The following HGFAC variants were observed in gnomAD, a reference collection of about 807,000 sequenced individuals.
HGFAC encodes the protein HGF activator.
HGFAC carries 76 observed loss-of-function variants against 70.6 expected under a neutral mutation model. That is an observed-to-expected ratio of 1.08 (90% confidence interval 0.89 to 1.30). The LOEUF is 1.30. Ranked by LOEUF, HGFAC falls within the 50% of genes most tolerant of loss-of-function variation. The pLI, the probability that HGFAC is intolerant of heterozygous loss-of-function variation, is 0.00. For synonymous variants in HGFAC, 464 were observed against 405.3 expected, an observed-to-expected ratio of 1.14 and a Z score of -1.74; for missense variants, 1,044 against 933.7, an observed-to-expected ratio of 1.12 and a Z score of -1.54.
intron 9 of HGFAC, 191 bp downstream of exon 9, chr4:3,445,541 C>T (rs538878510): frequency 2.9e-4 from 182 of 617,342 alleles, no homozygotes; most frequent in African/African-American, 2.2e-3. Flanking sequence ...GGAAGCAGCC[C>T]GCTGCAGGGG....
chr4:3,448,934 G>A (rs956335140), intron 13 of HGFAC, among the ~76,000 whole-genome samples: 11 of 152,152 alleles, frequency 7.2e-5, no homozygotes, highest in African/African-American at 2.7e-4. Context: ...GTTTTCCAGG[G>A]AGTGAAGAAG....
At position 3,446,599 on chromosome 4, in the gene HGFAC, G is replaced by A. The variant is rs973824406; in HGVS notation, c.1355+305G>A. 2.1e-4 allele frequency among the ~76,000 whole-genome samples: 32 copies of A among 152,074 alleles called. 1 individual carries two copies. The highest frequency in any genetic ancestry group is 7.0e-4 in the African/African-American group (29 of 41,428). ...AGGTCCTGTCCTCCCCGCAGGCCCC[G>A]CCCCTCCCAGAGTCCTGGCTCTCAG... is the stretch of plus-strand genomic sequence containing the variant. On this transcript the variant is annotated intron_variant, in intron 10 of 13. Coordinates refer to ENST00000382774, the MANE Select transcript of HGFAC (RefSeq NM_001528.4).
chr4:3,444,548 G>C, intron 6 of HGFAC, 75 bp from the exon 7 acceptor site: 1 of 1,505,658 alleles, frequency 6.6e-7, no homozygotes, highest in Non-Finnish European at 8.9e-7. Flanking sequence ...GGGACAAGGG[G>C]TGGACCCCGG....
intron 13 of HGFAC, 27 bp from the exon 14 acceptor site, chr4:3,449,210 G>C: frequency 1.2e-6 from 2 of 1,600,164 alleles, no homozygotes; most frequent in Non-Finnish European, 1.7e-6. Flanking sequence ...CCCTGGGAGG[G>C]TGGCTCTGAC....
At chr4:3,446,996 C>A (rs1725533256) in intron 10 of HGFAC, among the ~76,000 whole-genome samples, 1 of 152,196 alleles carries the variant, frequency 6.6e-6, no homozygotes, top group Admixed American at 6.5e-5. Flanking sequence ...AAATGGGGTT[C>A]CCCACATGGA....
At position 3,446,359 on chromosome 4, in the gene HGFAC, C is replaced by T. The variant is rs1468463042; in HGVS notation, c.1355+65C>T. 5.9e-5 allele frequency: 91 copies of T among 1,540,774 alleles called. 1 individual carries two copies. In the East Asian group the frequency reaches 8.7e-4, roughly 15 times the overall value. Reference sequence around the variant, plus strand: ...CCACACACCATCCAGCGTCACTATGCGCCTGTCCCCACCCGCTTGCGGACC... The same window carrying T: ...CCACACACCATCCAGCGTCACTATGTGCCTGTCCCCACCCGCTTGCGGACC... On this transcript the variant is annotated intron_variant, in intron 10 of 13. Transcript: ENST00000382774.
chr4:3,443,546 G>A, intron 4 of HGFAC, 126 bp downstream of exon 4: 1 of 563,064 alleles, frequency 1.8e-6, no homozygotes, highest in Non-Finnish European at 2.9e-6. Flanking sequence ...AGGAGCTCTG[G>A]GATTAACCCC....
intron 4 of HGFAC, 95 bp downstream of exon 4, chr4:3,443,515 CTG>C: frequency 4.0e-6 from 3 of 747,438 alleles, no homozygotes; most frequent in Non-Finnish European, 6.0e-6. Flanking sequence ...GGCAGGGGTC[CTG>C]GCTGGAGGGG....
intron 9 of HGFAC, chr4:3,445,731 C>T (rs1236162469): frequency 4.2e-5 from 34 of 809,154 alleles, no homozygotes; most frequent in Admixed American, 3.2e-4. Flanking sequence ...GGGGCCAGCC[C>T]GGGGCTCTCA....
chr4:3,448,037 T>A lies in HGFAC; in HGVS notation c.1636+2T>A. The stretch of plus-strand genomic sequence containing the variant: ...CGGGCTGGGGCCACTTGGATGAGAG[T>A]GAGTTGGGAGGGGGGCGCCCAGCGC... On this transcript the variant is annotated splice_donor_variant, in intron 12 of 13. Coordinates refer to ENST00000382774, the MANE Select transcript of HGFAC (RefSeq NM_001528.4). LOFTEE classifies it high-confidence loss of function. 1 of 1,555,854 alleles carries A rather than the reference T, an allele frequency of 6.4e-7. No homozygotes were observed. The highest frequency in any genetic ancestry group is 8.7e-7 in the Non-Finnish European group (1 of 1,150,924).
At chr4:3,447,314 C>T (rs1725543136) in intron 10 of HGFAC, among the ~76,000 whole-genome samples, 178 bp from the exon 11 acceptor site, 1 of 152,200 alleles carries the variant, frequency 6.6e-6, no homozygotes, top group African/African-American at 2.4e-5. Flanking sequence ...ATAGCCCCTG[C>T]TTGGTGGTCC....
chr4:3,443,080 T>A lies in HGFAC; in HGVS notation c.329T>A (p.Phe110Tyr). 2 of 1,599,178 alleles carry A rather than the reference T, an allele frequency of 1.3e-6. No homozygotes were observed. The highest frequency in any genetic ancestry group is 2.2e-5 in the East Asian group (1 of 44,726). ...ALTEDGRPCR[F>Y]PFRYGGRMLH... is the part of the protein sequence containing the mutation. ...ACCGAGGACGGGAGGCCCTGCAGGT[T>A]CCCCTTCCGCTACGGGGGCCGCATG... Residue 110 changes from phenylalanine to tyrosine, a missense_variant, in exon 3 of 14, where the codon TTC becomes TAC. Physicochemically the swap from Phe to Tyr is conservative, Grantham distance 22 (BLOSUM62 3). Transcript: ENST00000382774.
At chr4:3,443,856 TGGGA>T (rs1725397031) in intron 4 of HGFAC, among the ~76,000 whole-genome samples, 179 bp from the exon 5 acceptor site, 1 of 151,964 alleles carries the variant, frequency 6.6e-6, no homozygotes, top group Non-Finnish European at 1.5e-5. Context: ...TGGGGGACGC[TGGGA>T]GGAAGGGGAG....
chr4:3,446,235 C>G lies in HGFAC; in HGVS notation c.1296C>G (p.Cys432Trp). 6.2e-7 allele frequency: 1 copy of G among 1,610,704 alleles called. No homozygotes were observed. The highest frequency in any genetic ancestry group is 8.5e-7 in the Non-Finnish European group (1 of 1,179,340). Residue 432 changes from cysteine to tryptophan, a missense_variant, in exon 10 of 14, where the codon TGC becomes TGG. Coordinates refer to ENST00000382774, the MANE Select transcript of HGFAC (RefSeq NM_001528.4). ...CCATCTACATCGGGGACAGCTTCTGCGCCGGGAGCCTGGTCCACACCTGCT... is the reference window on the plus strand; with the variant it reads ...CCATCTACATCGGGGACAGCTTCTGGGCCGGGAGCCTGGTCCACACCTGCT... ...LAAIYIGDSF[C>W]AGSLVHTCWV...
upstream of HGFAC, among the ~76,000 whole-genome samples, chr4:3,441,496 A>G (rs1002687312): frequency 1.3e-5 from 2 of 151,132 alleles, no homozygotes; most frequent in Non-Finnish European, 3.0e-5. This position sits in a 1 kb window ranked among gnomAD's most constrained non-coding sequence, Gnocchi z 6.0. Context: ...CGAACCCTCC[A>G]GGAGCCCCCA....
At chr4:3,443,554 C>A (rs1360295351) in intron 4 of HGFAC, 134 bp downstream of exon 4, 2 of 538,928 alleles carry the variant, frequency 3.7e-6, no homozygotes. Flanking sequence ...TGGGATTAAC[C>A]CCGGTGGGTG....
At position 3,443,454 on chromosome 4, in the gene HGFAC, G is replaced by A. The variant is rs1414345347; in HGVS notation, c.475+34G>A. On this transcript the variant is annotated intron_variant, in intron 4 of 13. Transcript: ENST00000382774. ...TGGGTTGGGTAGCCTGGGGCGGGCA[G>A]GGGGCACTGGGCCAGGCCAGAAGGG... The A allele has an allele frequency of 6.0e-6, 8 of 1,335,304 alleles. No homozygotes were observed. In the East Asian group the frequency reaches 1.7e-4, roughly 28 times the overall value. The allele number at this position is 1,335,304 out of a possible 1,614,324, so 82.7% of individuals were successfully genotyped here. A position where few individuals can be genotyped will look rare whatever the true frequency, so the allele number is the denominator to read the frequency against.
At position 3,446,180 on chromosome 4, in the gene HGFAC, C is replaced by T. The variant is rs137864693; in HGVS notation, c.1241C>T (p.Ser414Leu). The T allele has an allele frequency of 1.1e-5, 18 of 1,611,014 alleles. No homozygotes were observed. The highest frequency in any genetic ancestry group is 3.3e-5 in the South Asian group (3 of 90,796). ...CCACGTATCATCGGCGGCTCCTCCT[C>T]GCTGCCCGGCTCGCACCCCTGGCTG... is the stretch of plus-strand genomic sequence containing the variant. ...LRPRIIGGSS[S>L]LPGSHPWLAA... Residue 414 changes from serine (S) to leucine (L), a missense_variant, in exon 10 of 14, where the codon TCG (serine) becomes TTG (leucine). Coordinates refer to ENST00000382774, the MANE Select transcript of HGFAC (RefSeq NM_001528.4).
At chr4:3,446,517 C>G (rs1161485892) in intron 10 of HGFAC, among the ~76,000 whole-genome samples, 1 of 152,156 alleles carries the variant, frequency 6.6e-6, no homozygotes, top group East Asian at 1.9e-4. Flanking sequence ...TGAGGGAGGC[C>G]AGGGGTCAGT....
Sources: allele counts gnomAD v4.1 joint callset (sites outside exome capture counted in the v4.1 genomes callset), GRCh38; gene constraint gnomAD v4.1.1; non-coding constraint Gnocchi (gnomAD v3.1); transcripts MANE v1.5; gene names NCBI Gene and HGNC (gene_info 2026-07-23, HGNC 2026-07-21).